Variants in CSMD3 observed in about 807,000 individuals in gnomAD.
The protein encoded by CSMD3 is CUB and sushi domain-containing protein 3.
A neutral mutation model predicts 435.2 loss-of-function variants in CSMD3; 177 were observed. The observed-to-expected ratio is 0.41, with a 90% CI of 0.36 to 0.46. The LOEUF is 0.46. Ranked by LOEUF, CSMD3 falls within the 20% of genes least tolerant of loss-of-function variation. The pLI, the probability that CSMD3 is intolerant of heterozygous loss-of-function variation, is 0.34. For synonymous variants in CSMD3, 1,656 were observed against 1,520.5 expected (o/e 1.09, Z -2.07); for missense variants, 4,265 against 4,504.6 (o/e 0.95, Z 1.52).
chr8:112,722,938 T>C (rs926892426), intron 13 of CSMD3, among the ~76,000 whole-genome samples: 1 of 151,894 alleles, frequency 6.6e-6, no homozygotes, highest in Admixed American at 6.6e-5. Flanking sequence ...AAATTTATAA[T>C]AGGCCCAAAA....
intron 11 of CSMD3, among the ~76,000 whole-genome samples, chr8:112,834,457 AC>A (rs1448959838): frequency 1.3e-5 from 2 of 151,860 alleles, no homozygotes; most frequent in East Asian, 3.9e-4. Context: ...GTAAGGTATT[AC>A]AGTAAAACTC....
intron 7 of CSMD3, among the ~76,000 whole-genome samples, chr8:112,960,887 G>C (rs1402141399): frequency 6.6e-6 from 1 of 151,530 alleles, no homozygotes; most frequent in East Asian, 1.9e-4. Context: ...AAAATCATTA[G>C]AGACAAGTAA....
chr8:112,314,144 G>T (rs1822249012), intron 48 of CSMD3, 92 bp from the exon 49 acceptor site: 2 of 980,870 alleles, frequency 2.0e-6, no homozygotes, highest in Non-Finnish European at 3.1e-6. Context: ...ATTAAATATG[G>T]TTAAATTGCT....
chr8:112,902,443 T>C (rs996243235), intron 10 of CSMD3, among the ~76,000 whole-genome samples: 11 of 151,226 alleles, frequency 7.3e-5, no homozygotes, highest in Non-Finnish European at 1.3e-4. Flanking sequence ...TTTTAAAAAA[T>C]GGCAGCTTTT....
rs141059824 is a variant in CSMD3 at position 112,719,937 on chromosome 8, G to T, written c.1973-29887C>A. On this transcript the variant is annotated intron_variant, in intron 13 of 70. Transcript: ENST00000297405. ...CAACTAGACTCCTAACTGTGGATTA[G>T]ATGTAGTCAATTAGGTAAGATTTAA... is the stretch of plus-strand genomic sequence containing the variant. Among the ~76,000 whole-genome samples, 240 of 152,258 alleles carry T rather than the reference G, an allele frequency of 1.6e-3. 2 individuals are homozygous for T. Among genetic ancestry groups the T allele is most frequent in the South Asian group, 7.5e-3 (36 of 4,826 alleles).
intron 10 of CSMD3, among the ~76,000 whole-genome samples, chr8:112,870,707 C>T (rs1451469635): frequency 1.3e-5 from 2 of 152,010 alleles, no homozygotes; most frequent in African/African-American, 4.8e-5. Context: ...TGAAAAATCA[C>T]GAATCACACA....
intron 36 of CSMD3, among the ~76,000 whole-genome samples, chr8:112,388,134 T>C (rs1415411514): frequency 1.3e-5 from 2 of 152,116 alleles, no homozygotes; most frequent in Non-Finnish European, 2.9e-5. Flanking sequence ...AAGAACAACA[T>C]GCACAAAGGG....
intron 27 of CSMD3, among the ~76,000 whole-genome samples, chr8:112,534,486 G>A (rs1825858934): frequency 6.6e-6 from 1 of 152,152 alleles, no homozygotes; most frequent in South Asian, 2.1e-4. Flanking sequence ...CCAGGAAGAA[G>A]TTGAATCTCT....
chr8:112,827,112 G>A (rs1277624655), intron 12 of CSMD3, among the ~76,000 whole-genome samples: 1 of 135,682 alleles, frequency 7.4e-6, no homozygotes, highest in African/African-American at 2.8e-5. Flanking sequence ...TAATAGTTGA[G>A]TATTTAAGAT....
intron 1 of CSMD3, among the ~76,000 whole-genome samples, chr8:113,362,164 A>T (rs553292036): frequency 3.9e-5 from 6 of 152,328 alleles, no homozygotes; most frequent in African/African-American, 1.4e-4. Context: ...GATTCAAAAA[A>T]ATTACTGAAC....
chr8:112,534,048 A>G (rs1825804385), intron 27 of CSMD3, among the ~76,000 whole-genome samples: 1 of 151,940 alleles, frequency 6.6e-6, no homozygotes, highest in South Asian at 2.1e-4. Flanking sequence ...AGGAAATTAA[A>G]AGATTTCTTG....
At chr8:112,280,872 T>G (rs1181610785) in intron 59 of CSMD3, among the ~76,000 whole-genome samples, 1 of 152,140 alleles carries the variant, frequency 6.6e-6, no homozygotes, top group Non-Finnish European at 1.5e-5. Flanking sequence ...ATTTTTAATT[T>G]TAATTGCAGC....
intron 2 of CSMD3, chr8:113,309,105 C>T (rs142974216): frequency 0.03 from 4,516 of 152,270 alleles, 89 homozygotes; most frequent in Admixed American, 0.04. Flanking sequence ...CAGGCCACCA[C>T]ACCCAGCTAA....
intron 22 of CSMD3, among the ~76,000 whole-genome samples, chr8:112,599,674 G>A (rs1377220659): frequency 2.0e-5 from 3 of 151,394 alleles, no homozygotes; most frequent in Non-Finnish European, 4.4e-5. Context: ...ATACACCATG[G>A]AATACTATGC....
At chr8:112,880,714 T>A (rs1284695475) in intron 10 of CSMD3, among the ~76,000 whole-genome samples, 2 of 151,938 alleles carry the variant, frequency 1.3e-5, no homozygotes, top group Non-Finnish European at 2.9e-5. Context: ...CTACTACAGT[T>A]GTTGGATTTT....
chr8:113,080,599 T>C (rs1309066193), intron 5 of CSMD3, among the ~76,000 whole-genome samples: 3 of 152,088 alleles, frequency 2.0e-5, no homozygotes, highest in Non-Finnish European at 4.4e-5. Context: ...AATAAGGAAG[T>C]CATTCATTTT....
intron 23 of CSMD3, among the ~76,000 whole-genome samples, chr8:112,579,651 A>G (rs1279143550): frequency 6.6e-6 from 1 of 152,042 alleles, no homozygotes; most frequent in African/African-American, 2.4e-5. Flanking sequence ...AGCTCTCAAA[A>G]TTACTGAAAA....
At chr8:113,181,359 T>C (rs1200073382) in intron 3 of CSMD3, among the ~76,000 whole-genome samples, 1 of 152,056 alleles carries the variant, frequency 6.6e-6, no homozygotes, top group Non-Finnish European at 1.5e-5. Context: ...GGTAATGTCA[T>C]TCTGTTTTCA....
chr8:112,432,357 G>T (rs1366997422), intron 32 of CSMD3, among the ~76,000 whole-genome samples: 5 of 152,080 alleles, frequency 3.3e-5, no homozygotes, highest in Non-Finnish European at 7.4e-5. Context: ...AGTCTGGAGT[G>T]CAGTGGTGCC....
Sources: allele counts gnomAD v4.1 joint callset (sites outside exome capture counted in the v4.1 genomes callset), GRCh38; gene constraint gnomAD v4.1.1; transcripts MANE v1.5; gene names NCBI Gene and HGNC (gene_info 2026-07-23, HGNC 2026-07-21).